Variants in UNC5D observed in about 807,000 individuals in gnomAD.
UNC5D encodes netrin receptor UNC5D.
In UNC5D, 39 loss-of-function variants were observed where a neutral mutation model predicts 105.4. That is an observed-to-expected ratio of 0.37 (90% confidence interval 0.29 to 0.48). The LOEUF (loss-of-function observed/expected upper bound fraction) is 0.48. Among genes scored for constraint, UNC5D ranks in the 20% least tolerant of loss-of-function variants. The pLI is 0.98. For missense variants in UNC5D, 991 were observed against 1,202.4 expected (o/e 0.82, Z 2.60); for synonymous variants, 452 against 450.4 (o/e 1.00, Z -0.04).
At chr8:35,714,200 G>A (rs1828122187) in intron 8 of UNC5D, among the ~76,000 whole-genome samples, 1 of 152,204 alleles carries the variant, frequency 6.6e-6, no homozygotes, top group Non-Finnish European at 1.5e-5. Context: ...AACAGATTCA[G>A]AGATGACTCT....
At chr8:35,491,646 C>A (rs1050301016) in intron 1 of UNC5D, among the ~76,000 whole-genome samples, 1 of 151,946 alleles carries the variant, frequency 6.6e-6, no homozygotes, top group Non-Finnish European at 1.5e-5. Flanking sequence ...GGATCCACGA[C>A]TGGAAATACT....
intron 1 of UNC5D, among the ~76,000 whole-genome samples, chr8:35,313,270 A>G (rs542442411): frequency 6.6e-6 from 1 of 152,188 alleles, no homozygotes; most frequent in African/African-American, 2.4e-5. Flanking sequence ...ACTTTTCTTT[A>G]GTCATTTGGT....
intron 1 of UNC5D, among the ~76,000 whole-genome samples, chr8:35,531,001 C>T (rs527722442): frequency 1.3e-5 from 2 of 150,964 alleles, no homozygotes; most frequent in South Asian, 2.1e-4. Flanking sequence ...AAACCAGCTC[C>T]TGGATTCATT....
At chr8:35,641,422 C>T (rs905766279) in intron 4 of UNC5D, among the ~76,000 whole-genome samples, 2 of 144,930 alleles carry the variant, frequency 1.4e-5, no homozygotes, top group Non-Finnish European at 3.0e-5. Flanking sequence ...TTTGAGAACT[C>T]ATAGGTCCAC....
At position 35,774,305 on chromosome 8, in the gene UNC5D, C is replaced by T; in HGVS notation, c.2485C>T (p.Arg829Ter). ...QVQTSILESE[R>*]ETITFFAQED... ...TTCCTTATTTTGTTTATAGAGTGAA[C>T]GAGAAACCATCACTTTCTTCGCACA... is the stretch of plus-strand genomic sequence containing the variant. Residue 829 changes from arginine to a stop codon, truncating the protein, a stop_gained, in exon 16 of 17, where the codon CGA becomes TGA. Coordinates refer to ENST00000404895, the MANE Select transcript of UNC5D (RefSeq NM_080872.4). LOFTEE classifies it high-confidence loss of function. The T allele has an allele frequency of 2.5e-6, 4 of 1,613,992 alleles. No homozygotes were observed. The highest frequency in any genetic ancestry group is 2.2e-5 in the East Asian group (1 of 44,856).
At chr8:35,704,844 T>TA (rs1231190685) in intron 7 of UNC5D, among the ~76,000 whole-genome samples, 1 of 151,804 alleles carries the variant, frequency 6.6e-6, no homozygotes, top group African/African-American at 2.4e-5. Flanking sequence ...AAGTGACCTG[T>TA]AAGATTAGAT....
At chr8:35,377,990 C>T (rs1237696873) in intron 1 of UNC5D, among the ~76,000 whole-genome samples, 3 of 152,082 alleles carry the variant, frequency 2.0e-5, no homozygotes, top group Non-Finnish European at 4.4e-5. Flanking sequence ...TGCTGTCCTC[C>T]CCCTAACTCT....
chr8:35,528,032 A>G (rs1814009864), intron 1 of UNC5D, among the ~76,000 whole-genome samples: 1 of 147,894 alleles, frequency 6.8e-6, no homozygotes, highest in Non-Finnish European at 1.5e-5. Flanking sequence ...AATTCTAGAA[A>G]CAGCTGGTTT....
chr8:35,489,142 G>C (rs997018368), intron 1 of UNC5D, among the ~76,000 whole-genome samples: 1 of 151,996 alleles, frequency 6.6e-6, no homozygotes, highest in African/African-American at 2.4e-5. Flanking sequence ...AAGTAGCTGG[G>C]ACTACAAGTC....
At chr8:35,540,444 G>GGTGTGTGTGTGT (rs11467586) in intron 1 of UNC5D, among the ~76,000 whole-genome samples, 271 of 142,786 alleles carry the variant, frequency 1.9e-3, no homozygotes, top group African/African-American at 6.4e-3. Context: ...AAAGCAGAGG[G>GGTGTGTGTGTGT]GTGTGTGTGT....
At chr8:35,580,671 G>A (rs1818426113) in intron 3 of UNC5D, among the ~76,000 whole-genome samples, 1 of 152,118 alleles carries the variant, frequency 6.6e-6, no homozygotes, top group African/African-American at 2.4e-5. Flanking sequence ...GAGAAGTTTT[G>A]TTACATTTGA....
intron 11 of UNC5D, among the ~76,000 whole-genome samples, chr8:35,734,779 T>A (rs1019195779): frequency 6.9e-6 from 1 of 145,214 alleles, no homozygotes; most frequent in East Asian, 2.0e-4. Context: ...CTACACACTT[T>A]AAATTTTTTT....
In UNC5D at chr8:35,580,583, A is replaced by G. The variant is rs989129875; in HGVS notation, c.466+12342A>G. The stretch of plus-strand genomic sequence containing the variant: ...AAGTAGAACAGGCACTAGGAGACCC[A>G]TGAGGGAGAAGGGAAAGATTTATGA... On this transcript the variant is annotated intron_variant, in intron 3 of 16. Coordinates refer to ENST00000404895, the MANE Select transcript of UNC5D (RefSeq NM_080872.4). 3.9e-5 allele frequency among the ~76,000 whole-genome samples: 6 copies of G among 152,178 alleles called. No homozygotes were observed. In the East Asian group the frequency reaches 5.8e-4, roughly 15 times the overall value.
At chr8:35,745,933 A>G (rs1446404902) in intron 11 of UNC5D, among the ~76,000 whole-genome samples, 1 of 152,064 alleles carries the variant, frequency 6.6e-6, no homozygotes, top group Non-Finnish European at 1.5e-5. Context: ...GGATTATGCA[A>G]TGTGGGAAAG....
chr8:35,454,021 T>A (rs982465201), intron 1 of UNC5D, among the ~76,000 whole-genome samples: 1 of 152,224 alleles, frequency 6.6e-6, no homozygotes, highest in African/African-American at 2.4e-5. Context: ...ACTTGTTTCC[T>A]TTTAATCGCA....
chr8:35,696,282 A>ATTTTTTTTT (rs755876112), intron 7 of UNC5D, among the ~76,000 whole-genome samples: 5 of 113,218 alleles, frequency 4.4e-5, no homozygotes, highest in African/African-American at 1.0e-4. Context: ...TCAATATTTA[A>ATTTTTTTTT]TTTTTTTTTT....
intron 3 of UNC5D, among the ~76,000 whole-genome samples, chr8:35,575,400 T>G (rs1818022807): frequency 6.6e-6 from 1 of 152,188 alleles, no homozygotes; most frequent in Admixed American, 6.5e-5. Context: ...ATCTGGCTTC[T>G]TAGTGAATTC....
chr8:35,457,760 A>G (rs1808590935), intron 1 of UNC5D, among the ~76,000 whole-genome samples: 1 of 151,924 alleles, frequency 6.6e-6, no homozygotes, highest in African/African-American at 2.4e-5. Flanking sequence ...TCCCTTGGGA[A>G]CCCAATGGGA....
intron 1 of UNC5D, among the ~76,000 whole-genome samples, chr8:35,271,536 T>C (rs1436131236): frequency 6.9e-6 from 1 of 143,904 alleles, no homozygotes; most frequent in African/African-American, 2.5e-5. Flanking sequence ...CAGGTATATA[T>C]TTTATATATG....
Sources: allele counts gnomAD v4.1 joint callset (sites outside exome capture counted in the v4.1 genomes callset), GRCh38; gene constraint gnomAD v4.1.1; transcripts MANE v1.5; gene names NCBI Gene and HGNC (gene_info 2026-07-23, HGNC 2026-07-21).